The following TM6SF2 variants were observed in gnomAD, a reference collection of about 807,000 sequenced individuals.
The protein encoded by TM6SF2 is transmembrane 6 superfamily member 2.
In TM6SF2, 29 loss-of-function variants were observed where a neutral mutation model predicts 41.0. The ratio of observed to expected loss-of-function variants is 0.71; its 90% CI spans 0.53 to 0.96. The LOEUF is 0.96. Among genes scored for constraint, TM6SF2 ranks in the 50% least tolerant of loss-of-function variants. The pLI is 0.00. For missense variants in TM6SF2, 475 were observed against 499.0 expected (o/e 0.95, Z 0.46); for synonymous variants, 200 against 209.1 (o/e 0.96, Z 0.37).
intron 5 of TM6SF2, among the ~76,000 whole-genome samples, chr19:19,269,088 T>C (rs1302975050): frequency 1.3e-5 from 2 of 152,098 alleles, no homozygotes; most frequent in African/African-American, 4.8e-5. Flanking sequence ...CTGAGCAACA[T>C]AAGGATTACA....
At chr19:19,267,832 G>A in intron 7 of TM6SF2, 119 bp from the exon 8 acceptor site, 2 of 1,154,468 alleles carry the variant, frequency 1.7e-6, no homozygotes, top group South Asian at 1.4e-5. Flanking sequence ...AGTTGGGCTG[G>A]CTGGGAGAAA....
chr19:19,270,084 A>G, intron 4 of TM6SF2, 89 bp downstream of exon 4: 1 of 1,574,812 alleles, frequency 6.3e-7, no homozygotes, highest in South Asian at 1.2e-5. Flanking sequence ...TCCTACAGAC[A>G]CTTCTGGCTC....
Position 19,268,061 on chromosome 19 carries a change from G to T in TM6SF2, c.636C>A (p.Leu212=), listed in dbSNP as rs774434974. 1.9e-6 allele frequency: 3 copies of T among 1,614,018 alleles called. No homozygotes were observed. Among genetic ancestry groups the T allele is most frequent in the Non-Finnish European group, 2.5e-6 (3 of 1,179,960 alleles). ...GGGCCAGGTCAGCCGGACGCTGCAG[G>T]AGTCCCTTTCTTTGTTCCTCTTGCA... The part of the protein sequence containing the change: ...NMVQEEQRKG[L]LQRPADLALV... Residue 212 remains leucine (L), a synonymous_variant, in exon 7 of 10, where the codon CTC becomes CTA. Coordinates refer to ENST00000389363, the MANE Select transcript of TM6SF2 (RefSeq NM_001001524.3).
At chr19:19,266,700 G>A in intron 8 of TM6SF2, 91 bp from the exon 9 acceptor site, 1 of 1,475,358 alleles carries the variant, frequency 6.8e-7, no homozygotes, top group Admixed American at 2.2e-5. Flanking sequence ...GAGGCCCTGA[G>A]GAAGGATCTG....
At chr19:19,265,013 T>G (rs78538967) in intron 9 of TM6SF2, 140 bp from the exon 10 acceptor site, 9 of 478,728 alleles carry the variant, frequency 1.9e-5, no homozygotes, top group Non-Finnish European at 3.2e-5. Flanking sequence ...CATCTATCTG[T>G]TTCCCATCTC....
At chr19:19,271,688 A>AG in intron 1 of TM6SF2, among the ~76,000 whole-genome samples, 1 of 151,442 alleles carries the variant, frequency 6.6e-6, no homozygotes. Flanking sequence ...CCACCACCAC[A>AG]CCCGGCTAAT....
chr19:19,266,468 AC>A (rs1599836180), intron 9 of TM6SF2, 21 bp downstream of exon 9: 1 of 1,612,566 alleles, frequency 6.2e-7, no homozygotes, highest in African/African-American at 1.3e-5. Flanking sequence ...ATGCCTGCTC[AC>A]CCACCCATCC....
At position 19,273,276 on chromosome 19, in the gene TM6SF2, G is replaced by T; in HGVS notation, c.-61C>A. ...CGTTCTCCAGGGCGCTCGGCTCCTC[G>T]TTGGCGGCGAGTCCGGGCCGAGGCT... On this transcript the variant is annotated 5_prime_UTR_variant, in exon 1 of 10. Transcript: ENST00000389363. 8.1e-7 allele frequency: 1 copy of T among 1,240,932 alleles called. No individual in the cohort carries two copies. Among genetic ancestry groups the T allele is most frequent in the Non-Finnish European group, 1.0e-6 (1 of 969,090 alleles). 76.9% of individuals were successfully genotyped at this position (1,240,932 alleles called of 1,614,324 possible). A position where few individuals can be genotyped will look rare whatever the true frequency, so the allele number is the denominator to read the frequency against.
Position 19,264,451 on chromosome 19 carries a change from G to A in TM6SF2, c.*213C>T, listed in dbSNP as rs1484691482. On this transcript the variant is annotated 3_prime_UTR_variant, in exon 10 of 10. Coordinates refer to ENST00000389363, the MANE Select transcript of TM6SF2 (RefSeq NM_001001524.3). ...GGAAGGGGTAGAAGCGTTTGTGTGG[G>A]AGTTGGAGCATGGTGACAGCTGTGG... is the stretch of plus-strand genomic sequence containing the variant. 4 of 409,138 alleles carry A rather than the reference G, an allele frequency of 9.8e-6. No individual in the cohort carries two copies. Among genetic ancestry groups the A allele is most frequent in the East Asian group, 3.7e-5 (1 of 27,342 alleles). The allele number at this position is 409,138 out of a possible 1,614,324, so 25.3% of individuals were successfully genotyped here. A position where few individuals can be genotyped will look rare whatever the true frequency, so the allele number is the denominator to read the frequency against.
intron 1 of TM6SF2, among the ~76,000 whole-genome samples, chr19:19,272,395 T>C (rs1324023199): frequency 6.6e-6 from 1 of 152,186 alleles, no homozygotes; most frequent in Admixed American, 6.5e-5. Flanking sequence ...GAACTGAGGC[T>C]CCCAGAGGAA....
At chr19:19,268,791 A>G in intron 5 of TM6SF2, 37 bp from the exon 6 acceptor site, 1 of 1,553,006 alleles carries the variant, frequency 6.4e-7, no homozygotes, top group Non-Finnish European at 8.6e-7. Context: ...CAGCCATGCC[A>G]GAACCCTGCT....
chr19:19,266,954 G>C (rs865779671), intron 8 of TM6SF2, among the ~76,000 whole-genome samples: 24 of 152,200 alleles, frequency 1.6e-4, no homozygotes, highest in South Asian at 2.1e-4. Context: ...AAGCTCGGGG[G>C]TAATAAGGGC....
intron 1 of TM6SF2, 60 bp downstream of exon 1, chr19:19,273,061 T>TGGCCCCCCCCCCCCCCCCCCCC: frequency 4.3e-5 from 13 of 305,458 alleles, no homozygotes; most frequent in East Asian, 1.7e-4. Flanking sequence ...CCTCCAGTCC[T>TGGCCCCCCCCCCCCCCCCCCCC]CCCCGCCCCC....
chr19:19,266,453 C>T (rs767088074), intron 9 of TM6SF2, 37 bp downstream of exon 9: 1 of 1,611,362 alleles, frequency 6.2e-7, no homozygotes, highest in Non-Finnish European at 8.5e-7. Flanking sequence ...GAAATTCCCT[C>T]CCACATGCCT....
chr19:19,268,040 C>T lies in TM6SF2; in HGVS notation c.657G>A (p.Leu219=). ...CAAGGATGAGATATATGACAAGGGC[C>T]AGGTCAGCCGGACGCTGCAGGAGTC... ...RKGLLQRPAD[L]ALVIYLILAG... The change falls in exon 7 of 10, where the codon CTG becomes CTA. Residue 219 remains leucine, a synonymous_variant. Transcript: ENST00000389363. 6.2e-7 allele frequency: 1 copy of T among 1,614,052 alleles called. No individual in the cohort carries two copies. Among genetic ancestry groups the T allele is most frequent in the Non-Finnish European group, 8.5e-7 (1 of 1,180,018 alleles).
intron 9 of TM6SF2, among the ~76,000 whole-genome samples, chr19:19,266,165 C>T (rs868152043): frequency 2.0e-5 from 3 of 152,266 alleles, no homozygotes; most frequent in Middle Eastern, 3.4e-3. Context: ...CTGTGCTTCT[C>T]CTTGTGCTGT....
At chr19:19,271,835 CCTT>C (rs1360354727) in intron 1 of TM6SF2, among the ~76,000 whole-genome samples, 2 of 152,110 alleles carry the variant, frequency 1.3e-5, no homozygotes. Context: ...CTGGCCTGCC[CCTT>C]CTGACTTTAC....
At chr19:19,267,031 C>T (rs1407756449) in intron 8 of TM6SF2, among the ~76,000 whole-genome samples, 1 of 152,104 alleles carries the variant, frequency 6.6e-6, no homozygotes, top group African/African-American at 2.4e-5. Context: ...CTGTCTCTGC[C>T]ACCCCATAAA....
chr19:19,273,061 T>TTGGCC, intron 1 of TM6SF2, 60 bp downstream of exon 1: 8 of 305,456 alleles, frequency 2.6e-5, no homozygotes, highest in Non-Finnish European at 4.9e-5. Flanking sequence ...CCTCCAGTCC[T>TTGGCC]CCCCGCCCCC....
Sources: allele counts gnomAD v4.1 joint callset (sites outside exome capture counted in the v4.1 genomes callset), GRCh38; gene constraint gnomAD v4.1.1; transcripts MANE v1.5; gene names NCBI Gene and HGNC (gene_info 2026-07-23, HGNC 2026-07-21).